GSE1: variants seen among roughly 807,000 people sequenced by gnomAD.
The protein encoded by GSE1 is genetic suppressor element 1.
In GSE1, 32 loss-of-function variants were observed where a neutral mutation model predicts 112.6. The ratio of observed to expected loss-of-function variants is 0.28; its 90% CI spans 0.21 to 0.38. The LOEUF (loss-of-function observed/expected upper bound fraction) is 0.38, where lower values mean the gene tolerates loss of function less well. Among genes scored for constraint, GSE1 ranks in the 10% least tolerant of loss-of-function variants. The pLI, the probability that GSE1 is intolerant of heterozygous loss-of-function variation, is 1.00. For missense variants in GSE1, 2,348 were observed against 1,699.2 expected, an observed-to-expected ratio of 1.38 and a Z score of -6.71; for synonymous variants, 1,115 against 735.6, an observed-to-expected ratio of 1.52 and a Z score of -8.35.
upstream of GSE1, among the ~76,000 whole-genome samples, chr16:85,608,166 C>A (rs2047794878): frequency 6.6e-6 from 1 of 152,042 alleles, no homozygotes; most frequent in African/African-American, 2.4e-5. Context: ...GATAGCAGGG[C>A]AGGAAACAGA....
chr16:85,267,077 C>G (rs1908323851), intron 1 of GSE1, among the ~76,000 whole-genome samples: 1 of 152,196 alleles, frequency 6.6e-6, no homozygotes, highest in Admixed American at 6.5e-5. Flanking sequence ...TCCCGCTCAG[C>G]TAATTATGTG....
At chr16:85,555,168 G>C, upstream of GSE1, 1 of 985,422 alleles carries the variant, frequency 1.0e-6, no homozygotes, top group Non-Finnish European at 1.2e-6. Flanking sequence ...TTTCATTAGG[G>C]GAGACAAATC....
chr16:85,646,769 T>A (rs531837475), intron 2 of GSE1, among the ~76,000 whole-genome samples: 177 of 152,024 alleles, frequency 1.2e-3, no homozygotes, highest in African/African-American at 4.0e-3. Context: ...TTCGTCAGGC[T>A]GGGCAGGGCT....
chr16:85,539,091 T>C (rs953187399), intron 2 of GSE1, among the ~76,000 whole-genome samples: 3 of 152,228 alleles, frequency 2.0e-5, no homozygotes, highest in African/African-American at 7.2e-5. Context: ...CTTTGCCCAC[T>C]CCTGTAAGTG....
intron 1 of GSE1, among the ~76,000 whole-genome samples, chr16:85,565,726 A>G (rs1157242352): frequency 6.6e-6 from 1 of 152,196 alleles, no homozygotes; most frequent in Non-Finnish European, 1.5e-5. Context: ...CCTGGACACC[A>G]GCAGGAGATT....
intron 1 of GSE1, among the ~76,000 whole-genome samples, chr16:85,216,477 A>G (rs915101078): frequency 6.6e-6 from 1 of 152,248 alleles, no homozygotes; most frequent in South Asian, 2.1e-4. Context: ...TTATCTGATT[A>G]TAATAATTCA....
chr16:85,609,871 G>A (rs895934028), upstream of GSE1, among the ~76,000 whole-genome samples: 4 of 152,212 alleles, frequency 2.6e-5, no homozygotes, highest in Admixed American at 6.5e-5. Context: ...TGTCCAGGCC[G>A]GTCTCGAACT....
intron 7 of GSE1, among the ~76,000 whole-genome samples, 153 bp from the exon 8 acceptor site, chr16:85,657,124 C>T (rs575145692): frequency 6.6e-6 from 1 of 152,286 alleles, no homozygotes; most frequent in East Asian, 1.9e-4. Flanking sequence ...TGAAAGCTCC[C>T]GTAGGGCCCC....
intron 2 of GSE1, chr16:85,463,093 T>G: frequency 1.0e-6 from 1 of 985,200 alleles, no homozygotes; most frequent in Non-Finnish European, 1.2e-6. Flanking sequence ...ATGCTGGGCA[T>G]GAAGACCTGG....
At chr16:85,381,659 A>G (rs1331868216) in intron 2 of GSE1, among the ~76,000 whole-genome samples, 1 of 152,254 alleles carries the variant, frequency 6.6e-6, no homozygotes, top group Non-Finnish European at 1.5e-5. Context: ...CCAGGCAGCC[A>G]GATGCTGCTG....
At chr16:85,667,529 G>C (rs957967957) in intron 13 of GSE1, among the ~76,000 whole-genome samples, 2 of 152,232 alleles carry the variant, frequency 1.3e-5, no homozygotes, top group African/African-American at 4.8e-5. Context: ...GGATGGGCTG[G>C]TGTCTGCTGA....
At chr16:85,623,924 C>T (rs371010028) in intron 1 of GSE1, among the ~76,000 whole-genome samples, 26 of 152,172 alleles carry the variant, frequency 1.7e-4, no homozygotes, top group African/African-American at 5.1e-4. Context: ...AGACTAAGGG[C>T]CCTGTAGATA....
intron 1 of GSE1, among the ~76,000 whole-genome samples, chr16:85,294,444 G>C (rs1042536488): frequency 6.6e-6 from 1 of 152,154 alleles, no homozygotes; most frequent in African/African-American, 2.4e-5. Flanking sequence ...GTTCGTTCGT[G>C]TTCCGTCAAT....
At chr16:85,296,224 G>T (rs2045362457) in intron 1 of GSE1, among the ~76,000 whole-genome samples, 1 of 152,146 alleles carries the variant, frequency 6.6e-6, no homozygotes, top group South Asian at 2.1e-4. Context: ...CCTCCCCGTG[G>T]CCAGTCTCTA....
At chr16:85,316,320 T>C (rs2045984749) in intron 1 of GSE1, among the ~76,000 whole-genome samples, 1 of 152,238 alleles carries the variant, frequency 6.6e-6, no homozygotes, top group Non-Finnish European at 1.5e-5. Flanking sequence ...CAGAGAGCGA[T>C]TCCTTTCTTC....
chr16:85,537,438 G>C (rs2044368501), intron 2 of GSE1, among the ~76,000 whole-genome samples: 1 of 152,230 alleles, frequency 6.6e-6, no homozygotes, highest in African/African-American at 2.4e-5. Context: ...AGCTAAGTGA[G>C]GGCTTGAGGG....
At chr16:85,621,182 T>G (rs941156111) in intron 1 of GSE1, among the ~76,000 whole-genome samples, 4 of 151,982 alleles carry the variant, frequency 2.6e-5, no homozygotes, top group African/African-American at 9.7e-5. Flanking sequence ...CTCTGCACTG[T>G]TGGGGAACCC....
At position 85,672,564 on chromosome 16, in the gene GSE1, CCTATAGTATAGAAATATTAT is replaced by C; in HGVS notation, c.*30_*49del. On this transcript the variant is annotated 3_prime_UTR_variant, in exon 16 of 16. Transcript: ENST00000253458. Reference sequence around the variant, plus strand: ...ACGGTTTCCCTTGCACTAGGCCGAACCTATAGTATAGAAATATTATCTATTTTATTACCTTGAATATTTAA... The same window carrying C: ...ACGGTTTCCCTTGCACTAGGCCGAACCTATTTTATTACCTTGAATATTTAA... The C allele has an allele frequency of 6.6e-7, 1 of 1,518,982 alleles. No homozygotes were observed. Among genetic ancestry groups the C allele is most frequent in the East Asian group, 2.3e-5 (1 of 43,620 alleles). The allele number at this position is 1,518,982 out of a possible 1,614,324, so 94.1% of individuals were successfully genotyped here. A position where few individuals can be genotyped will look rare whatever the true frequency, so the allele number is the denominator to read the frequency against.
In GSE1 at chr16:85,419,763, C is replaced by T. The variant is rs150495705; in HGVS notation, c.2464+62120C>T. Among the ~76,000 whole-genome samples, 60 of 152,166 alleles carry T rather than the reference C, an allele frequency of 3.9e-4. No homozygotes were observed. Among genetic ancestry groups the T allele is most frequent in the Non-Finnish European group, 5.7e-4 (39 of 67,980 alleles). On this transcript the variant is annotated intron_variant, in intron 2 of 2. Coordinates refer to the GSE1 transcript ENST00000637419. The surrounding 1 kb of genome is among the most constrained non-coding windows in gnomAD (Gnocchi z 6.5). ...CCTCTGATGCCTGCCTCCCCCGCCC[C>T]GCCCCCACCCCTCCAAGACTCTGAT...
Sources: gnomAD v4.1 joint callset for allele counts (sites outside exome capture counted in the v4.1 genomes callset) on GRCh38, gnomAD v4.1.1 for gene constraint, Gnocchi (gnomAD v3.1) non-coding constraint, MANE v1.5 for transcripts, NCBI Gene and HGNC (gene_info 2026-07-23, HGNC 2026-07-21) for gene names.